BTBD8: variants seen among roughly 807,000 people sequenced by gnomAD.
BTBD8 encodes the protein BTB domain containing 8.
In BTBD8, 110 loss-of-function variants were observed where a neutral mutation model predicts 162.9. The ratio of observed to expected loss-of-function variants is 0.68; its 90% CI spans 0.58 to 0.79. BTBD8 has a LOEUF of 0.79. Ranked by LOEUF, BTBD8 falls within the 30% of genes least tolerant of loss-of-function variation. The pLI, the probability that BTBD8 is intolerant of heterozygous loss-of-function variation, is 0.00. For synonymous variants in BTBD8, 667 were observed against 716.1 expected (o/e 0.93, Z 1.10); for missense variants, 1,905 against 2,085.4 (o/e 0.91, Z 1.68).
intron 17 of BTBD8, 32 bp from the exon 18 acceptor site, chr1:92,183,832 T>C: frequency 6.8e-7 from 1 of 1,480,988 alleles, no homozygotes; most frequent in Non-Finnish European, 9.1e-7. Context: ...ACGTGCAATT[T>C]TTACATTGTG....
intron 5 of BTBD8, among the ~76,000 whole-genome samples, chr1:92,135,632 T>A (rs1044427491): frequency 6.6e-6 from 1 of 152,146 alleles, no homozygotes; most frequent in Non-Finnish European, 1.5e-5. Flanking sequence ...TATAAACACT[T>A]TTAGTAAAAA....
At chr1:92,121,320 T>C (rs1397145573) in intron 4 of BTBD8, among the ~76,000 whole-genome samples, 1 of 152,238 alleles carries the variant, frequency 6.6e-6, no homozygotes, top group Non-Finnish European at 1.5e-5. Context: ...TCTATGTTCA[T>C]GAGACAGATC....
chr1:92,180,802 A>C lies in BTBD8; in HGVS notation c.3119A>C (p.His1040Pro), dbSNP rs752483596. The C allele has an allele frequency of 5.8e-6, 9 of 1,551,670 alleles. No homozygotes were observed. The South Asian group carries it at 9.5e-5, about 16-fold the overall frequency. Residue 1040 changes from histidine (H) to proline (P), a missense_variant, in exon 17 of 18, where the codon CAC (histidine) becomes CCC (proline). By Grantham distance (77) the His-to-Pro change is moderately conservative. This residue lies in a region of BTBD8 where 1,374 missense variants were observed against 1,442.7 expected (regional missense o/e 0.95). Coordinates refer to ENST00000636805, the MANE Select transcript of BTBD8 (RefSeq NM_001376131.1). Reference protein sequence around the residue: ...NISKLDKSLKHELESKQICLD... With the variant: ...NISKLDKSLKPELESKQICLD... The stretch of plus-strand genomic sequence containing the variant: ...TCAAAGCTGGATAAATCATTAAAAC[A>C]CGAACTGGAATCAAAACAGATTTGT...
At chr1:92,164,954 T>C (rs1006274820) in intron 9 of BTBD8, among the ~76,000 whole-genome samples, 7 of 151,876 alleles carry the variant, frequency 4.6e-5, no homozygotes, top group East Asian at 2.0e-4. Flanking sequence ...ACCTGGCCAG[T>C]ACTTTTTTTA....
chr1:92,128,588 A>AT (rs34018838), intron 4 of BTBD8, among the ~76,000 whole-genome samples: 7,162 of 139,046 alleles, frequency 0.052, 223 homozygotes, highest in African/African-American at 0.095. Flanking sequence ...ATTTTTTTGT[A>AT]TTTTTTTTTT....
In BTBD8 at chr1:92,080,586, G is replaced by T. The variant is rs747468016; in HGVS notation, c.15G>T (p.Gly5=). The T allele has an allele frequency of 6.2e-7, 1 of 1,613,910 alleles. No homozygotes were observed. The highest frequency in any genetic ancestry group is 8.5e-7 in the Non-Finnish European group (1 of 1,179,964). The change falls in exon 1 of 18, where the codon GGG becomes GGT. Residue 5 remains glycine, a synonymous_variant. Coordinates refer to ENST00000636805, the MANE Select transcript of BTBD8 (RefSeq NM_001376131.1). The part of the protein sequence containing the change: MARC[G]EGSAAPMVLL... ...CTCTGTGAGACATGGCTCGCTGTGGGGAAGGCAGTGCGGCCCCCATGGTAC... is the reference window on the plus strand; with the variant it reads ...CTCTGTGAGACATGGCTCGCTGTGGTGAAGGCAGTGCGGCCCCCATGGTAC...
chr1:92,106,588 G>A (rs1031357005), intron 3 of BTBD8, among the ~76,000 whole-genome samples: 1 of 148,330 alleles, frequency 6.7e-6, no homozygotes, highest in Non-Finnish European at 1.5e-5. Flanking sequence ...ATGAACCCAG[G>A]AGGTGGAGCT....
rs71586734 is a variant in BTBD8, at chr1:92,127,552, TTTTGTTTGTTTGTTTG to T, written c.663-2111_663-2096del. On this transcript the variant is annotated intron_variant, in intron 4 of 17. Coordinates refer to ENST00000636805, the MANE Select transcript of BTBD8 (RefSeq NM_001376131.1). Reference sequence around the variant, plus strand: ...CACTGGGACATGAGATTTTGGAAGTTTTTGTTTGTTTGTTTGTTTGTTTGTTTGTTTGTTTGTTTTG... The same window carrying T: ...CACTGGGACATGAGATTTTGGAAGTTTTTGTTTGTTTGTTTGTTTGTTTTG... Among the ~76,000 whole-genome samples, 1,241 of 150,044 alleles carry T rather than the reference TTTTGTTTGTTTGTTTG, an allele frequency of 8.3e-3. 18 individuals are homozygous for T. The highest frequency in any genetic ancestry group is 0.029 in the African/African-American group (1,168 of 40,752).
At chr1:92,100,563 GA>G (rs1333115185) in intron 2 of BTBD8, among the ~76,000 whole-genome samples, 1 of 151,846 alleles carries the variant, frequency 6.6e-6, no homozygotes, top group Non-Finnish European at 1.5e-5. Context: ...GTCTTTCTTG[GA>G]ATTGTCCATT....
intron 9 of BTBD8, among the ~76,000 whole-genome samples, chr1:92,158,178 T>G (rs1650203940): frequency 6.6e-6 from 1 of 152,184 alleles, no homozygotes; most frequent in Non-Finnish European, 1.5e-5. Flanking sequence ...ATCTTGTTTT[T>G]TAATCCACTT....
Position 92,177,170 on chromosome 1 carries a change from A to G in BTBD8, c.1977A>G (p.Val659=). 1 of 1,551,852 alleles carries G rather than the reference A, an allele frequency of 6.4e-7. No homozygotes were observed. The highest frequency in any genetic ancestry group is 8.7e-7 in the Non-Finnish European group (1 of 1,147,020). The change falls in exon 14 of 18, where the codon GTA becomes GTG. Residue 659 remains valine (V), a synonymous_variant. Coordinates refer to ENST00000636805, the MANE Select transcript of BTBD8 (RefSeq NM_001376131.1). ...RLENMSPRQV[V]ERSATAAAAA... ...AAAACATGTCACCTAGACAAGTTGT[A>G]GAAAGATCAGCAACAGCAGCAGCAG...
At position 92,167,006 on chromosome 1, in the gene BTBD8, A is replaced by C; in HGVS notation, c.1171A>C (p.Ile391Leu). ...TCTGATGGAAAGTGACAGGCTAATC[A>C]TCAGTTTACCCAGAGTGAAGTGGAC... is the stretch of plus-strand genomic sequence containing the variant. The part of the protein sequence containing the change: ...FLLMESDRLI[I>L]SLPRVKWTEA... Residue 391 changes from isoleucine (I) to leucine (L), a missense_variant, in exon 10 of 18, where the codon ATC becomes CTC. By Grantham distance (5) the Ile-to-Leu change is conservative. Around this residue, in one of 3 missense-constraint regions of BTBD8, gnomAD observed 1,374 missense variants for 1,442.7 expected, o/e 0.95. Transcript: ENST00000636805. 1 of 1,550,708 alleles carries C rather than the reference A, an allele frequency of 6.4e-7. No homozygotes were observed. The highest frequency in any genetic ancestry group is 8.7e-7 in the Non-Finnish European group (1 of 1,146,986).
chr1:92,107,803 A>G, intron 3 of BTBD8, 81 bp from the exon 4 acceptor site: 1 of 1,104,932 alleles, frequency 9.1e-7, no homozygotes, highest in Non-Finnish European at 1.3e-6. Context: ...TATGTGGGAA[A>G]CCTCTTGATA....
chr1:92,166,240 A>G (rs1650382126), intron 9 of BTBD8, among the ~76,000 whole-genome samples: 1 of 152,164 alleles, frequency 6.6e-6, no homozygotes, highest in Admixed American at 6.5e-5. Context: ...CCAAATTTGC[A>G]TAAAGAAACA....
At chr1:92,157,005 GTATAA>G (rs1377905748) in intron 9 of BTBD8, among the ~76,000 whole-genome samples, 1 of 150,512 alleles carries the variant, frequency 6.6e-6, no homozygotes, top group Non-Finnish European at 1.5e-5. Flanking sequence ...GTTCCTTGAG[GTATAA>G]TATAAAGTTT....
chr1:92,101,494 C>T (rs1261249712), intron 2 of BTBD8, among the ~76,000 whole-genome samples: 2 of 152,210 alleles, frequency 1.3e-5, no homozygotes, highest in African/African-American at 4.8e-5. Context: ...CTACTCACTG[C>T]CCCACCAGGA....
chr1:92,113,960 C>T (rs773588907), intron 4 of BTBD8, among the ~76,000 whole-genome samples: 12 of 148,798 alleles, frequency 8.1e-5, no homozygotes, highest in Non-Finnish European at 1.3e-4. Flanking sequence ...TGCAGTGACC[C>T]GAGATCACGT....
chr1:92,179,344 C>T (rs1650818495), intron 16 of BTBD8, among the ~76,000 whole-genome samples: 1 of 151,960 alleles, frequency 6.6e-6, no homozygotes, highest in Non-Finnish European at 1.5e-5. Flanking sequence ...TGTGTGAGTC[C>T]ATTGTTTTTC....
In BTBD8 at chr1:92,180,992, C is replaced by A. The variant is rs769157060; in HGVS notation, c.3309C>A (p.Asn1103Lys). 6.4e-7 allele frequency: 1 copy of A among 1,551,790 alleles called. No homozygotes were observed. The highest frequency in any genetic ancestry group is 8.7e-7 in the Non-Finnish European group (1 of 1,147,024). ...MVSNPNENSL[N>K]SNPVCDLDST... Reference sequence around the variant, plus strand: ...CAAATCCAAATGAAAACTCCTTGAACTCTAATCCAGTTTGTGATTTAGACT... The same window carrying A: ...CAAATCCAAATGAAAACTCCTTGAAATCTAATCCAGTTTGTGATTTAGACT... The change falls in exon 17 of 18, where the codon AAC becomes AAA. Residue 1103 changes from asparagine (N) to lysine (K), a missense_variant. By Grantham distance (94) the Asn-to-Lys change is moderately conservative (BLOSUM62 0). This residue lies in a region of BTBD8 where 1,374 missense variants were observed against 1,442.7 expected (regional missense o/e 0.95). Transcript: ENST00000636805.
Sources: allele counts gnomAD v4.1 joint callset (sites outside exome capture counted in the v4.1 genomes callset), GRCh38; gene constraint gnomAD v4.1.1; regional missense constraint gnomAD v4.1.1; transcripts MANE v1.5; gene names NCBI Gene and HGNC (gene_info 2026-07-23, HGNC 2026-07-21).